The following FNBP1 variants were observed in gnomAD, a reference collection of about 807,000 sequenced individuals.
FNBP1 encodes the protein formin binding protein 1, also known as formin-binding protein 1.
FNBP1 carries 26 observed loss-of-function variants against 90.6 expected under a neutral mutation model. That is an observed-to-expected ratio of 0.29 (90% CI 0.21 to 0.40). The LOEUF (loss-of-function observed/expected upper bound fraction) is 0.40, where lower values mean the gene tolerates loss of function less well. Ranked by LOEUF, FNBP1 falls within the 10% of genes least tolerant of loss-of-function variation. FNBP1 has a pLI of 1.00. For synonymous variants in FNBP1, 260 were observed against 265.2 expected (o/e 0.98, Z 0.19); for missense variants, 635 against 768.0 (o/e 0.83, Z 2.05).
At chr9:130,020,357 C>T (rs760289028) in intron 1 of FNBP1, among the ~76,000 whole-genome samples, 21 of 151,940 alleles carry the variant, frequency 1.4e-4, no homozygotes, top group Non-Finnish European at 2.6e-4. Context: ...TTACAGGCGC[C>T]CGCCACCACG....
At chr9:130,013,948 A>G in intron 1 of FNBP1, 1 of 453,296 alleles carries the variant, frequency 2.2e-6, no homozygotes, top group Non-Finnish European at 4.4e-6. Flanking sequence ...TCATGAGCCA[A>G]ATAATTTTCT....
At chr9:129,959,551 T>C (rs998960110) in intron 4 of FNBP1, among the ~76,000 whole-genome samples, 1 of 152,088 alleles carries the variant, frequency 6.6e-6, no homozygotes, top group East Asian at 1.9e-4. Flanking sequence ...ATCGTGCTAA[T>C]GCACTCCAGC....
chr9:130,052,613 T>C, the FNBP1 span, among the ~76,000 whole-genome samples: 1 of 151,814 alleles, frequency 6.6e-6, no homozygotes, highest in Non-Finnish European at 1.5e-5. Flanking sequence ...TTTGTATTTT[T>C]AGTAGAGACG....
chr9:129,906,473 A>C (rs2038078802), intron 12 of FNBP1, among the ~76,000 whole-genome samples: 1 of 152,094 alleles, frequency 6.6e-6, no homozygotes, highest in Non-Finnish European at 1.5e-5. Context: ...TGCTCTCGTA[A>C]TAGTGAGTCT....
intron 1 of FNBP1, among the ~76,000 whole-genome samples, chr9:130,036,939 G>C (rs2059369807): frequency 1.3e-5 from 2 of 152,048 alleles, no homozygotes; most frequent in South Asian, 4.1e-4. Flanking sequence ...CAGCTACTCG[G>C]GAGGCTGAGG....
At chr9:130,052,594 C>T in the FNBP1 span, among the ~76,000 whole-genome samples, 319 of 151,864 alleles carry the variant, frequency 2.1e-3, no homozygotes, top group South Asian at 8.1e-3. Flanking sequence ...CCGTGATGCC[C>T]CGCTAATTTT....
Position 129,920,546 on chromosome 9 carries a change from C to T in FNBP1, c.1170+3298G>A, listed in dbSNP as rs566270353. Among the ~76,000 whole-genome samples, 3 of 152,260 alleles carry T rather than the reference C, an allele frequency of 2.0e-5. No individual in the cohort carries two copies. The Middle Eastern group carries it at 0.01, about 518-fold the overall frequency. On this transcript the variant is annotated intron_variant, in intron 10 of 16. Transcript: ENST00000446176. Reference sequence around the variant, plus strand: ...CAAACTCCTGACCTCGTGATCCACCCACCTCAGCCTCCCAAAGTGCTGGGG... The same window carrying T: ...CAAACTCCTGACCTCGTGATCCACCTACCTCAGCCTCCCAAAGTGCTGGGG...
At chr9:130,050,952 G>A in the FNBP1 span, among the ~76,000 whole-genome samples, 1 of 150,248 alleles carries the variant, frequency 6.7e-6, no homozygotes, top group Non-Finnish European at 1.5e-5. Context: ...ACAGGCTGGA[G>A]TGCAATGGTA....
intron 10 of FNBP1, chr9:129,916,214 C>T: frequency 1.8e-6 from 1 of 556,182 alleles, no homozygotes; most frequent in Non-Finnish European, 3.2e-6. Flanking sequence ...TTGCCAGAGC[C>T]AAAGATCAGA....
At chr9:129,907,370 C>CGGT (rs1564288810) in intron 12 of FNBP1, among the ~76,000 whole-genome samples, 1 of 152,168 alleles carries the variant, frequency 6.6e-6, no homozygotes, top group Non-Finnish European at 1.5e-5. Context: ...GTGCCAGGCA[C>CGGT]GGTTCCAAGC....
At chr9:129,999,823 C>T (rs1055828500) in intron 1 of FNBP1, among the ~76,000 whole-genome samples, 1 of 152,142 alleles carries the variant, frequency 6.6e-6, no homozygotes, top group African/African-American at 2.4e-5. Flanking sequence ...CACCGTGTTA[C>T]ATTTTTGCAA....
intron 2 of FNBP1, among the ~76,000 whole-genome samples, chr9:129,985,866 G>A (rs938968124): frequency 2.6e-5 from 4 of 151,376 alleles, no homozygotes; most frequent in African/African-American, 9.7e-5. Context: ...GAAGTCTGAG[G>A]CAGGAGAATC....
rs112331990 is a variant in FNBP1 at position 129,990,673 on chromosome 9, T to G, written c.140+4170A>C. Among the ~76,000 whole-genome samples, 280 of 152,282 alleles carry G rather than the reference T, an allele frequency of 1.8e-3. 1 individual carries two copies. Among genetic ancestry groups the G allele is most frequent in the African/African-American group, 5.7e-3 (236 of 41,546 alleles). ...AATTTTGAACAGAGGAATACTGTAA[T>G]CTGGCTGCTCTGTAGAAATCAGGGA... On this transcript the variant is annotated intron_variant, in intron 2 of 16. Transcript: ENST00000446176.
chr9:130,004,980 C>T lies in FNBP1; in HGVS notation c.25-10022G>A, dbSNP rs570999204. Reference sequence around the variant, plus strand: ...ACTTGGGAGGCTGAAGCAGGAGAATCGCTTGAACCCAGGAGGTGGAGGTTG... The same window carrying T: ...ACTTGGGAGGCTGAAGCAGGAGAATTGCTTGAACCCAGGAGGTGGAGGTTG... On this transcript the variant is annotated intron_variant, in intron 1 of 16. Transcript: ENST00000446176. Among the ~76,000 whole-genome samples, 9 of 149,910 alleles carry T rather than the reference C, an allele frequency of 6.0e-5. No homozygotes were observed. The South Asian group carries it at 8.5e-4, about 14-fold the overall frequency.
intron 1 of FNBP1, among the ~76,000 whole-genome samples, chr9:130,026,913 C>G (rs149822477): frequency 6.6e-6 from 1 of 151,254 alleles, no homozygotes; most frequent in Non-Finnish European, 1.5e-5. Flanking sequence ...TTAGAGTGAG[C>G]CAAGACTGCA....
intron 1 of FNBP1, among the ~76,000 whole-genome samples, chr9:130,014,974 T>TA (rs1241840087): frequency 0.044 from 6,086 of 138,934 alleles, 261 homozygotes; most frequent in African/African-American, 0.12. Context: ...AAAAACTTCT[T>TA]AAAAAAAAAA....
At chr9:129,991,915 TC>T (rs1341560759) in intron 2 of FNBP1, among the ~76,000 whole-genome samples, 1 of 152,194 alleles carries the variant, frequency 6.6e-6, no homozygotes, top group African/African-American at 2.4e-5. Flanking sequence ...CGCCTCAGCC[TC>T]CCAAAGTGCT....
intron 10 of FNBP1, among the ~76,000 whole-genome samples, chr9:129,920,371 G>A (rs1399827445): frequency 1.4e-4 from 21 of 151,898 alleles, no homozygotes; most frequent in Admixed American, 1.2e-3. Flanking sequence ...GCATGATCTC[G>A]GCTCACTGCA....
chr9:129,968,718 A>C (rs905405281), intron 4 of FNBP1, among the ~76,000 whole-genome samples: 2 of 152,214 alleles, frequency 1.3e-5, no homozygotes, highest in African/African-American at 4.8e-5. Flanking sequence ...GTCAATTCTA[A>C]GTAATGTGGA....
Sources: gnomAD v4.1 joint callset for allele counts (sites outside exome capture counted in the v4.1 genomes callset) on GRCh38, gnomAD v4.1.1 for gene constraint, MANE v1.5 for transcripts, NCBI Gene and HGNC (gene_info 2026-07-23, HGNC 2026-07-21) for gene names.